Variants in NINJ2 observed in about 807,000 individuals in gnomAD.
NINJ2 encodes the protein ninjurin-2.
Under a neutral mutation model 11.7 loss-of-function variants are expected in NINJ2, and 12 were observed. That is an observed-to-expected ratio of 1.02 (90% CI 0.66 to 1.66). NINJ2 has a LOEUF of 1.66. NINJ2 is among the 40% of genes most tolerant of loss of function. NINJ2 has a pLI of 0.00. For synonymous variants in NINJ2, 93 were observed against 76.8 expected (o/e 1.21, Z -1.10); for missense variants, 187 against 181.8 (o/e 1.03, Z -0.16).
At chr12:565,167 A>G in intron 3 of NINJ2, 50 bp downstream of exon 3, 2 of 1,474,736 alleles carry the variant, frequency 1.4e-6, no homozygotes, top group Admixed American at 4.3e-5. Context: ...AGGAGAGAGA[A>G]GGGCCACCTG....
At chr12:611,867 A>G (rs1456412783) in intron 1 of NINJ2, among the ~76,000 whole-genome samples, 2 of 152,208 alleles carry the variant, frequency 1.3e-5, no homozygotes, top group East Asian at 1.9e-4. Context: ...TTGCCCCCCA[A>G]TATCTATTTG....
intron 1 of NINJ2, 133 bp from the exon 2 acceptor site, chr12:566,311 T>C: frequency 4.5e-6 from 3 of 673,710 alleles, no homozygotes; most frequent in South Asian, 1.9e-5. Flanking sequence ...ACACCCTTAG[T>C]TTCATGGCCT....
rs1275232795 is a variant in NINJ2 at position 613,934 on chromosome 12, AAATT to A, written c.34-47760_34-47757del. 4.6e-5 allele frequency among the ~76,000 whole-genome samples: 7 copies of A among 151,916 alleles called. No individual in the cohort carries two copies. The South Asian group carries it at 6.2e-4, about 14-fold the overall frequency. Reference sequence around the variant, plus strand: ...AATAATAATAATAAATTAAATAAATAAATTAATTAATTAATTAAAAATGGCCTTT... The same window carrying A: ...AATAATAATAATAAATTAAATAAATAAATTAATTAATTAAAAATGGCCTTT... On this transcript the variant is annotated intron_variant, in intron 1 of 3. Transcript: ENST00000305108.
At chr12:610,224 A>G (rs1948010240) in intron 1 of NINJ2, 1 of 812,132 alleles carries the variant, frequency 1.2e-6, no homozygotes, top group South Asian at 1.5e-5. Flanking sequence ...CAGCAGACAC[A>G]GAATCAATGC....
intron 1 of NINJ2, among the ~76,000 whole-genome samples, chr12:612,105 T>C (rs1948039519): frequency 1.3e-5 from 2 of 152,180 alleles, no homozygotes; most frequent in Non-Finnish European, 1.5e-5. Flanking sequence ...TCTTCAATCA[T>C]GTGTATAAGG....
rs955937047 is a variant in NINJ2, at chr12:580,284, G to A, written c.34-14106C>T. ...CCTGGAGTGCTGAATGAATGAAGGA[G>A]TGAATGAATGATGCATTTGTCAGCA... On this transcript the variant is annotated intron_variant, in intron 1 of 3. Transcript: ENST00000305108. The surrounding 1 kb of genome is among the most constrained non-coding windows in gnomAD (Gnocchi z 4.7). 1.1e-4 allele frequency among the ~76,000 whole-genome samples: 16 copies of A among 152,054 alleles called. No homozygotes were observed. Among genetic ancestry groups the A allele is most frequent in the African/African-American group, 3.9e-4 (16 of 41,368 alleles).
intron 1 of NINJ2, among the ~76,000 whole-genome samples, chr12:616,561 G>A (rs1490548985): frequency 6.6e-6 from 1 of 152,332 alleles, no homozygotes; most frequent in East Asian, 1.9e-4. Flanking sequence ...CCAGGGTAAT[G>A]ACGGTGACAG....
chr12:660,581 C>T (rs890237122), intron 1 of NINJ2, among the ~76,000 whole-genome samples: 9 of 151,894 alleles, frequency 5.9e-5, no homozygotes, highest in Non-Finnish European at 8.8e-5. Flanking sequence ...CCTCGTGATC[C>T]GCCCACCTCA....
At chr12:638,146 C>T (rs906247259) in intron 1 of NINJ2, among the ~76,000 whole-genome samples, 7 of 152,236 alleles carry the variant, frequency 4.6e-5, no homozygotes, top group Non-Finnish European at 1.0e-4. Flanking sequence ...TGCAGGAGAG[C>T]ACCTAGGCCT....
At position 622,434 on chromosome 12, in the gene NINJ2, A is replaced by AT. The variant is rs1206701601; in HGVS notation, c.33+40893_33+40894insA. ...CAAAAAAAAAAAAAAAAAAAAAAAAAGGAAAGAAAGAAAGAAAGGGGCTAC... is the reference window on the plus strand; with the variant it reads ...CAAAAAAAAAAAAAAAAAAAAAAAAATGGAAAGAAAGAAAGAAAGGGGCTAC... On this transcript the variant is annotated intron_variant, in intron 1 of 3. Transcript: ENST00000305108. 2.8e-4 allele frequency among the ~76,000 whole-genome samples: 41 copies of AT among 144,330 alleles called. 1 individual carries two copies. The highest frequency in any genetic ancestry group is 1.1e-3 in the African/African-American group (40 of 37,406). The allele number at this position is 144,330 out of a possible 152,430, so 94.7% of individuals were successfully genotyped here.
At chr12:662,409 CGAGA>C (rs111778018) in intron 1 of NINJ2, among the ~76,000 whole-genome samples, 9 of 147,408 alleles carry the variant, frequency 6.1e-5, no homozygotes, top group Non-Finnish European at 7.5e-5. Flanking sequence ...ACACAGAGAA[CGAGA>C]GAGAGAGAGA....
chr12:641,810 A>C (rs1948420521), intron 1 of NINJ2, among the ~76,000 whole-genome samples: 1 of 146,852 alleles, frequency 6.8e-6, no homozygotes. Context: ...GCGCCACTGC[A>C]CTCCAGCCTG....
intron 1 of NINJ2, among the ~76,000 whole-genome samples, chr12:567,890 C>T (rs1947323432): frequency 6.6e-6 from 1 of 152,192 alleles, no homozygotes; most frequent in African/African-American, 2.4e-5. Flanking sequence ...CGCCTGTAAT[C>T]CCAGCTACTC....
chr12:617,213 A>AAAGTGTG (rs1440582624), intron 1 of NINJ2, among the ~76,000 whole-genome samples: 1 of 151,480 alleles, frequency 6.6e-6, no homozygotes, highest in East Asian at 1.9e-4. Flanking sequence ...CAAAAACAAA[A>AAAGTGTG]AAGTGTGTTC....
intron 1 of NINJ2, among the ~76,000 whole-genome samples, chr12:616,848 C>G (rs1001781312): frequency 1.3e-5 from 2 of 152,164 alleles, no homozygotes; most frequent in Non-Finnish European, 2.9e-5. Flanking sequence ...GATCAAAAGA[C>G]GCTAAAAGCT....
At chr12:592,298 G>A (rs1186913096) in intron 1 of NINJ2, among the ~76,000 whole-genome samples, 4 of 152,120 alleles carry the variant, frequency 2.6e-5, no homozygotes, top group African/African-American at 7.2e-5. Context: ...CGTCATTGCC[G>A]GAGGGATTCA....
chr12:660,352 T>A (rs1410415747), intron 1 of NINJ2, among the ~76,000 whole-genome samples: 4 of 149,116 alleles, frequency 2.7e-5, no homozygotes, highest in Admixed American at 2.7e-4. Flanking sequence ...TTCTTTCTTT[T>A]TTCTTTTCTT....
chr12:640,272 CA>C lies in NINJ2; in HGVS notation c.33+23055del, dbSNP rs1948402680. On this transcript the variant is annotated intron_variant, in intron 1 of 3. Transcript: ENST00000305108. The surrounding 1 kb of genome is among the most constrained non-coding windows in gnomAD (Gnocchi z 4.0). The stretch of plus-strand genomic sequence containing the variant: ...TTGGCATCTTAGAATCAGAAGTTTC[CA>C]AACTTGGAGGCAGTTTAAGAACCAT... 6.6e-6 allele frequency among the ~76,000 whole-genome samples: 1 copy of C among 152,266 alleles called. No homozygotes were observed. Among genetic ancestry groups the C allele is most frequent in the South Asian group, 2.1e-4 (1 of 4,818 alleles).
Position 601,374 on chromosome 12 carries a change from G to A in NINJ2, c.34-35196C>T, listed in dbSNP as rs186325193. 1.1e-3 allele frequency among the ~76,000 whole-genome samples: 164 copies of A among 150,048 alleles called. No individual in the cohort carries two copies. In the East Asian group the frequency reaches 0.017, roughly 15 times the overall value. On this transcript the variant is annotated intron_variant, in intron 1 of 3. Coordinates refer to ENST00000305108, the MANE Select transcript of NINJ2 (RefSeq NM_016533.6). ...ATCCTGGCTAACACAGTGAAACCCC[G>A]TCTCTACTAAAAATACAAAAAAAAT...
Sources: gnomAD v4.1 joint callset for allele counts (sites outside exome capture counted in the v4.1 genomes callset) on GRCh38, gnomAD v4.1.1 for gene constraint, Gnocchi (gnomAD v3.1) non-coding constraint, MANE v1.5 for transcripts, NCBI Gene and HGNC (gene_info 2026-07-23, HGNC 2026-07-21) for gene names.